TLN2: variants seen among roughly 807,000 people sequenced by gnomAD.
TLN2 encodes the protein talin-2.
In TLN2, 118 loss-of-function variants were observed where a neutral mutation model predicts 294.7. That is an observed-to-expected ratio of 0.40 (90% CI 0.34 to 0.47). The LOEUF is 0.47. Ranked by LOEUF, TLN2 falls within the 20% of genes least tolerant of loss-of-function variation. The probability of loss-of-function intolerance (pLI) is 0.84; values close to 1 mark genes in which losing one functional copy is unlikely to be tolerated. For synonymous variants in TLN2, 1,431 were observed against 1,304.5 expected (o/e 1.10, Z -2.09); for missense variants, 3,083 against 3,282.2 (o/e 0.94, Z 1.48).
intron 3 of TLN2, among the ~76,000 whole-genome samples, chr15:62,624,406 CAGAAGGACGGAGTGTT>C (rs1344513197): frequency 6.6e-6 from 1 of 152,186 alleles, no homozygotes; most frequent in Non-Finnish European, 1.5e-5. Context: ...TAGGTCCCTA[CAGAAGGACGGAGTGTT>C]CTGTCCCTGG....
intron 1 of TLN2, among the ~76,000 whole-genome samples, chr15:62,417,426 G>A (rs1266583187): frequency 6.6e-6 from 1 of 152,158 alleles, no homozygotes; most frequent in Non-Finnish European, 1.5e-5. Context: ...CATGCCAGAA[G>A]CAGCTTAGAA....
chr15:62,647,682 A>G (rs2052049740), intron 4 of TLN2, among the ~76,000 whole-genome samples: 1 of 152,204 alleles, frequency 6.6e-6, no homozygotes, highest in African/African-American at 2.4e-5. Context: ...CCTCCCATGC[A>G]TGAGGATTAT....
intron 1 of TLN2, among the ~76,000 whole-genome samples, chr15:62,560,586 A>G (rs1164184371): frequency 6.6e-6 from 1 of 152,198 alleles, no homozygotes; most frequent in Non-Finnish European, 1.5e-5. Flanking sequence ...CTGGCCTCCC[A>G]AAGTGCTGGG....
intron 2 of TLN2, among the ~76,000 whole-genome samples, chr15:62,590,428 T>C (rs1371316878): frequency 6.6e-6 from 1 of 152,234 alleles, no homozygotes; most frequent in Non-Finnish European, 1.5e-5. Context: ...TTTGGTTTTC[T>C]GTTCCTGTAT....
At chr15:62,765,726 T>C in intron 40 of TLN2, among the ~76,000 whole-genome samples, 1 of 152,328 alleles carries the variant, frequency 6.6e-6, no homozygotes, top group Non-Finnish European at 1.5e-5. Flanking sequence ...GGTGAAGAGA[T>C]TAAACCATCT....
At chr15:62,413,507 C>T (rs1316777525) in intron 1 of TLN2, among the ~76,000 whole-genome samples, 4 of 152,158 alleles carry the variant, frequency 2.6e-5, no homozygotes, top group Admixed American at 1.3e-4. Flanking sequence ...ATGCTATACC[C>T]GGCTGTTTCT....
At chr15:62,602,468 T>C (rs1000254694) in intron 2 of TLN2, among the ~76,000 whole-genome samples, 1 of 152,222 alleles carries the variant, frequency 6.6e-6, no homozygotes, top group African/African-American at 2.4e-5. Flanking sequence ...TTATGTACAG[T>C]ATTGTCAGGG....
intron 2 of TLN2, among the ~76,000 whole-genome samples, chr15:62,595,144 T>TGGGTGCGGTG (rs2046381580): frequency 1.3e-5 from 2 of 152,296 alleles, no homozygotes; most frequent in Non-Finnish European, 2.9e-5. Context: ...AAAGATGGGC[T>TGGGTGCGGTG]GGGTGCGGTG....
chr15:62,440,323 C>T (rs552248051), intron 1 of TLN2, among the ~76,000 whole-genome samples: 1 of 152,196 alleles, frequency 6.6e-6, no homozygotes, highest in Non-Finnish European at 1.5e-5. Context: ...AAACTCCTTG[C>T]ATTTAAGATT....
chr15:62,421,073 A>G (rs1267127800), intron 1 of TLN2, among the ~76,000 whole-genome samples: 1 of 152,230 alleles, frequency 6.6e-6, no homozygotes, highest in Non-Finnish European at 1.5e-5. Flanking sequence ...GGAAAACTTC[A>G]TAATTTTGAG....
chr15:62,684,490 T>C (rs1254880933), intron 11 of TLN2, among the ~76,000 whole-genome samples: 1 of 152,128 alleles, frequency 6.6e-6, no homozygotes, highest in African/African-American at 2.4e-5. Flanking sequence ...GTCAGTGTTT[T>C]TTAAGACTTG....
chr15:62,468,428 A>G (rs1408216747), intron 1 of TLN2, among the ~76,000 whole-genome samples: 3 of 152,180 alleles, frequency 2.0e-5, no homozygotes, highest in Non-Finnish European at 4.4e-5. Context: ...GTCAGTTTTC[A>G]TTTCTGAAAT....
chr15:62,722,258 A>T, intron 25 of TLN2, 95 bp from the exon 26 acceptor site: 2 of 1,353,262 alleles, frequency 1.5e-6, no homozygotes, highest in Non-Finnish European at 9.9e-7. Flanking sequence ...GGACAAAATC[A>T]GTTCTTACTG....
chr15:62,656,108 C>T (rs1309164098), intron 8 of TLN2, 22 bp downstream of exon 8: 2 of 1,609,362 alleles, frequency 1.2e-6, no homozygotes, highest in East Asian at 2.2e-5. Context: ...ACTGCTCAGA[C>T]ACTGAGGTTG....
At chr15:62,806,132 G>C (rs2066262937) in intron 51 of TLN2, among the ~76,000 whole-genome samples, 1 of 152,022 alleles carries the variant, frequency 6.6e-6, no homozygotes, top group African/African-American at 2.4e-5. Context: ...GGAGTTCAAG[G>C]CTGCAGTGAG....
At chr15:62,391,339 G>C (rs1209643264) in intron 1 of TLN2, among the ~76,000 whole-genome samples, 2 of 152,228 alleles carry the variant, frequency 1.3e-5, no homozygotes, top group South Asian at 2.1e-4. Context: ...TGAGCGACGG[G>C]GGCAGTGCCG....
chr15:62,777,857 C>T (rs57651931), intron 43 of TLN2, among the ~76,000 whole-genome samples: 25,120 of 152,172 alleles, frequency 0.17, 2,147 homozygotes, highest in East Asian at 0.23. Context: ...GTTTCAACTC[C>T]ATATCTCCTG....
intron 8 of TLN2, among the ~76,000 whole-genome samples, chr15:62,656,951 G>A (rs1034273710): frequency 2.0e-5 from 3 of 152,198 alleles, no homozygotes; most frequent in Non-Finnish European, 2.9e-5. Flanking sequence ...TTGGCCTTTA[G>A]AGAAGTTTCC....
intron 45 of TLN2, among the ~76,000 whole-genome samples, chr15:62,786,894 A>T (rs1459886119): frequency 6.6e-6 from 1 of 152,148 alleles, no homozygotes; most frequent in Non-Finnish European, 1.5e-5. Context: ...CCTAATAATA[A>T]TTCTATTACC....
Sources: gnomAD v4.1 joint callset for allele counts (sites outside exome capture counted in the v4.1 genomes callset) on GRCh38, gnomAD v4.1.1 for gene constraint, MANE v1.5 for transcripts, NCBI Gene and HGNC (gene_info 2026-07-23, HGNC 2026-07-21) for gene names.